Variants in PTPRD observed in about 807,000 individuals in gnomAD.
The protein encoded by PTPRD is receptor-type tyrosine-protein phosphatase delta.
In PTPRD, 34 loss-of-function variants were observed where a neutral mutation model predicts 214.5. The ratio of observed to expected loss-of-function variants is 0.16; its 90% CI spans 0.12 to 0.21. The LOEUF (loss-of-function observed/expected upper bound fraction) is 0.21, where lower values mean the gene tolerates loss of function less well. Ranked by LOEUF, PTPRD falls within the 10% of genes least tolerant of loss-of-function variation. PTPRD has a pLI of 1.00. For synonymous variants in PTPRD, 1,128 were observed against 845.7 expected, an observed-to-expected ratio of 1.33 and a Z score of -5.79; for missense variants, 2,545 against 2,398.7, an observed-to-expected ratio of 1.06 and a Z score of -1.27.
At chr9:9,499,098 C>G (rs1010665830) in intron 8 of PTPRD, among the ~76,000 whole-genome samples, 1 of 152,002 alleles carries the variant, frequency 6.6e-6, no homozygotes, top group Non-Finnish European at 1.5e-5. Flanking sequence ...CTCAAGGCAA[C>G]ACAGTAAATC....
intron 3 of PTPRD, among the ~76,000 whole-genome samples, chr9:10,046,880 A>T (rs1433439145): frequency 2.0e-5 from 3 of 152,020 alleles, no homozygotes; most frequent in Non-Finnish European, 4.4e-5. Flanking sequence ...ACATCACGAC[A>T]CCTGTCATAT....
intron 21 of PTPRD, among the ~76,000 whole-genome samples, chr9:8,507,642 T>G (rs2097568972): frequency 2.0e-5 from 3 of 152,152 alleles, no homozygotes; most frequent in African/African-American, 7.2e-5. Context: ...TAGTAGAACA[T>G]CTACACAAGA....
At chr9:8,522,690 T>A (rs944048624) in intron 19 of PTPRD, among the ~76,000 whole-genome samples, 2 of 152,182 alleles carry the variant, frequency 1.3e-5, no homozygotes, top group African/African-American at 4.8e-5. Context: ...TTATGTGTGT[T>A]TAAGTAAATG....
chr9:8,897,251 A>C (rs577434787), intron 11 of PTPRD, among the ~76,000 whole-genome samples: 1 of 152,330 alleles, frequency 6.6e-6, no homozygotes, highest in Non-Finnish European at 1.5e-5. Flanking sequence ...ATCTCAAGGT[A>C]CATGCAGACT....
intron 16 of PTPRD, 126 bp from the exon 17 acceptor site, chr9:8,526,770 C>T (rs1173165915): frequency 3.0e-6 from 2 of 656,792 alleles, no homozygotes; most frequent in African/African-American, 3.7e-5. Context: ...TTAAAAGAAA[C>T]TTGAATTACT....
chr9:10,198,325 T>A (rs1373336235), intron 3 of PTPRD, among the ~76,000 whole-genome samples: 4 of 152,052 alleles, frequency 2.6e-5, no homozygotes, highest in African/African-American at 9.7e-5. Flanking sequence ...CAGGTCAGAG[T>A]ATATGCTGTG....
At chr9:9,811,611 G>A (rs1224931069) in intron 5 of PTPRD, among the ~76,000 whole-genome samples, 1 of 152,152 alleles carries the variant, frequency 6.6e-6, no homozygotes, top group Non-Finnish European at 1.5e-5. Flanking sequence ...GAAGGCTGAG[G>A]CAGAAGAACG....
At chr9:8,527,536 C>T (rs1405892767) in intron 15 of PTPRD, among the ~76,000 whole-genome samples, 183 bp from the exon 16 acceptor site, 6 of 151,904 alleles carry the variant, frequency 3.9e-5, no homozygotes, top group Admixed American at 3.9e-4. Context: ...TGACAACAAG[C>T]AAAAGAGGCA....
chr9:8,428,736 A>G (rs1590166397), intron 35 of PTPRD, among the ~76,000 whole-genome samples: 1 of 152,172 alleles, frequency 6.6e-6, no homozygotes, highest in Admixed American at 6.5e-5. Context: ...TCTTGAATAC[A>G]TGTCCCCCCT....
intron 9 of PTPRD, among the ~76,000 whole-genome samples, chr9:9,287,188 G>T (rs967463552): frequency 6.6e-6 from 1 of 151,244 alleles, no homozygotes; most frequent in African/African-American, 2.4e-5. Context: ...TCACATCACT[G>T]CACTCCAACC....
chr9:9,649,014 C>T (rs986025793), intron 7 of PTPRD, among the ~76,000 whole-genome samples: 3 of 152,086 alleles, frequency 2.0e-5, no homozygotes, highest in Non-Finnish European at 2.9e-5. Context: ...GCAGAGGGGC[C>T]TTTGTGTTGA....
chr9:10,603,856 T>C (rs1418682120), intron 2 of PTPRD, among the ~76,000 whole-genome samples: 1 of 151,898 alleles, frequency 6.6e-6, no homozygotes, highest in Non-Finnish European at 1.5e-5. Flanking sequence ...TGTAATTACA[T>C]ACTTCTTTTA....
At chr9:8,463,776 G>C (rs2096481048) in intron 32 of PTPRD, among the ~76,000 whole-genome samples, 1 of 151,860 alleles carries the variant, frequency 6.6e-6, no homozygotes, top group African/African-American at 2.4e-5. Context: ...GTGTCTTTGA[G>C]AGGGACGGAG....
chr9:8,365,138 T>TA (rs111709042), intron 39 of PTPRD, among the ~76,000 whole-genome samples: 3,649 of 150,184 alleles, frequency 0.024, 134 homozygotes, highest in East Asian at 0.077. Flanking sequence ...CTCTGAAATT[T>TA]AAAAAAAAAA....
intron 2 of PTPRD, among the ~76,000 whole-genome samples, chr9:10,368,842 G>A (rs896066208): frequency 6.6e-6 from 1 of 152,020 alleles, no homozygotes; most frequent in African/African-American, 2.4e-5. Flanking sequence ...ATTCATAGAA[G>A]GACCTTTCAT....
At chr9:8,898,699 G>A (rs903694021) in intron 11 of PTPRD, among the ~76,000 whole-genome samples, 2 of 151,990 alleles carry the variant, frequency 1.3e-5, no homozygotes, top group East Asian at 3.9e-4. Flanking sequence ...CAAACCTCAG[G>A]AAACAGCTTA....
At chr9:9,643,817 G>A (rs1407395696) in intron 7 of PTPRD, among the ~76,000 whole-genome samples, 1 of 152,112 alleles carries the variant, frequency 6.6e-6, no homozygotes, top group Non-Finnish European at 1.5e-5. Context: ...CATACCATGA[G>A]TTTCCAAACA....
chr9:8,533,657 AG>A (rs1216270345), intron 14 of PTPRD, among the ~76,000 whole-genome samples: 1 of 152,014 alleles, frequency 6.6e-6, no homozygotes, highest in African/African-American at 2.4e-5. Flanking sequence ...CCTCTTTAAA[AG>A]TCCCCAAATA....
intron 43 of PTPRD, among the ~76,000 whole-genome samples, chr9:8,334,042 G>C (rs745974397): frequency 7.9e-5 from 12 of 152,088 alleles, no homozygotes; most frequent in Non-Finnish European, 1.5e-4. Context: ...AATAAAGCAA[G>C]TTCTTAGATA....
Sources: allele counts gnomAD v4.1 joint callset (sites outside exome capture counted in the v4.1 genomes callset), GRCh38; gene constraint gnomAD v4.1.1; transcripts MANE v1.5; gene names NCBI Gene and HGNC (gene_info 2026-07-23, HGNC 2026-07-21).